The following UBE2E3 variants were observed in gnomAD, a reference collection of about 807,000 sequenced individuals.
The protein encoded by UBE2E3 is ubiquitin-conjugating enzyme E2 E3.
Under a neutral mutation model 23.6 loss-of-function variants are expected in UBE2E3, and 5 were observed. The observed-to-expected ratio is 0.21, with a 90% CI of 0.11 to 0.44. The LOEUF is 0.44. Ranked by LOEUF, UBE2E3 falls within the 20% of genes least tolerant of loss-of-function variation. UBE2E3 has a pLI of 0.99. For synonymous variants in UBE2E3, 78 were observed against 87.5 expected (o/e 0.89, Z 0.60); for missense variants, 81 against 249.8 (o/e 0.32, Z 4.55).
intron 3 of UBE2E3, among the ~76,000 whole-genome samples, chr2:180,995,298 C>T (rs965824916): frequency 3.9e-5 from 6 of 152,114 alleles, no homozygotes; most frequent in East Asian, 1.9e-4. Flanking sequence ...TTGACATGTA[C>T]TGTAGGTTGA....
chr2:180,981,528 A>C (rs1684294439), intron 1 of UBE2E3: 1 of 152,866 alleles, frequency 6.5e-6, no homozygotes, highest in Non-Finnish European at 1.5e-5. Context: ...CTTTACGTGC[A>C]CTGAGGAGGA....
At chr2:181,047,707 T>C (rs1386058673) in intron 3 of UBE2E3, among the ~76,000 whole-genome samples, 1 of 152,136 alleles carries the variant, frequency 6.6e-6, no homozygotes, top group Non-Finnish European at 1.5e-5. Flanking sequence ...TAGTCTAGCC[T>C]ATCATCATCT....
rs1053303988 is a variant in UBE2E3 at position 181,060,702 on chromosome 2, A to G, written c.416A>G (p.Asn139Ser). 7.5e-6 allele frequency: 12 copies of G among 1,609,514 alleles called. No individual in the cohort carries two copies. The highest frequency in any genetic ancestry group is 3.4e-5 in the Admixed American group (2 of 59,426). ...ACCAGAATCTATCACTGCAACATCA[A>G]CAGTCAGGGAGTCATCTGTCTGGAC... ...FRTRIYHCNINSQGVICLDIL... is the reference protein window; with the variant it reads ...FRTRIYHCNISSQGVICLDIL... Residue 139 changes from asparagine to serine, a missense_variant, in exon 5 of 6, where the codon AAC (asparagine) becomes AGC (serine). Coordinates refer to ENST00000410062, the MANE Select transcript of UBE2E3 (RefSeq NM_006357.4).
chr2:181,060,485 CA>C (rs1029006572), intron 4 of UBE2E3, among the ~76,000 whole-genome samples, 179 bp from the exon 5 acceptor site: 1 of 151,500 alleles, frequency 6.6e-6, no homozygotes, highest in Non-Finnish European at 1.5e-5. Context: ...AGGGTAAAAA[CA>C]AAAAATTTTT....
intron 2 of UBE2E3, 64 bp downstream of exon 2, chr2:180,982,300 T>C (rs1327378391): frequency 6.7e-7 from 1 of 1,500,244 alleles, no homozygotes; most frequent in South Asian, 1.3e-5. Flanking sequence ...TTGGACGCTT[T>C]TGTTGGTTTT....
chr2:180,994,789 A>G (rs2105581622), intron 3 of UBE2E3, among the ~76,000 whole-genome samples: 1 of 152,310 alleles, frequency 6.6e-6, no homozygotes, highest in South Asian at 2.1e-4. Flanking sequence ...AATATTAAGA[A>G]TCCACAAAAT....
intron 3 of UBE2E3, among the ~76,000 whole-genome samples, chr2:181,025,287 T>A (rs1349997898): frequency 2.0e-5 from 3 of 151,992 alleles, no homozygotes; most frequent in Admixed American, 1.3e-4. Flanking sequence ...CTCTTAACAT[T>A]TAAGACAATG....
intron 3 of UBE2E3, among the ~76,000 whole-genome samples, chr2:181,028,261 C>T (rs1301842113): frequency 6.6e-6 from 1 of 151,902 alleles, no homozygotes; most frequent in Non-Finnish European, 1.5e-5. Context: ...AAATTTCATG[C>T]TGTATACGAT....
chr2:181,015,791 C>G (rs1423839668), intron 3 of UBE2E3, among the ~76,000 whole-genome samples: 4 of 152,040 alleles, frequency 2.6e-5, no homozygotes, highest in Non-Finnish European at 4.4e-5. Flanking sequence ...AGTATAATCA[C>G]TAAAATGATT....
At chr2:181,060,609 T>C (rs1307136044) in intron 4 of UBE2E3, 56 bp from the exon 5 acceptor site, 2 of 1,457,088 alleles carry the variant, frequency 1.4e-6, no homozygotes, top group Admixed American at 2.3e-5. Flanking sequence ...TTTTTAGTGT[T>C]TTAATTGGTA....
rs1687030432 is a variant in UBE2E3 at position 181,057,881 on chromosome 2, T to C, written c.378+56T>C. The C allele has an allele frequency of 1.1e-5, 17 of 1,564,416 alleles. 1 individual carries two copies. The South Asian group carries it at 1.8e-4, about 17-fold the overall frequency. On this transcript the variant is annotated intron_variant, in intron 4 of 5. Transcript: ENST00000410062. ...TTAATCCTTCTCCTCTAAAATCGGT[T>C]ATTCTAGAACTTAAATGTGTATTGA...
chr2:180,997,942 TTGTCA>T (rs1338284627), intron 3 of UBE2E3, among the ~76,000 whole-genome samples: 1 of 152,178 alleles, frequency 6.6e-6, no homozygotes, highest in African/African-American at 2.4e-5. Flanking sequence ...GTATTGCCTC[TTGTCA>T]TGTACCCTTT....
In UBE2E3 at chr2:180,982,172, C is replaced by T; in HGVS notation, c.130C>T (p.Gln44Ter). 6.2e-7 allele frequency: 1 copy of T among 1,612,508 alleles called. No homozygotes were observed. Among genetic ancestry groups the T allele is most frequent in the Non-Finnish European group, 8.5e-7 (1 of 1,179,254 alleles). Residue 44 changes from glutamine to a stop codon, truncating the protein, a stop_gained, in exon 2 of 6, where the codon CAG (glutamine) becomes TAG (stop). Transcript: ENST00000410062. LOFTEE classifies it high-confidence loss of function. ...EQEERKPSAT[Q>*]QKKNTKLSSK... is the part of the protein sequence containing the mutation. ...AGAGGAAAGAAAACCTTCTGCCACCCAGCAGAAGAAAAACACCAAACTCTC... is the reference window on the plus strand; with the variant it reads ...AGAGGAAAGAAAACCTTCTGCCACCTAGCAGAAGAAAAACACCAAACTCTC...
At chr2:181,057,640 T>TAA (rs1207113947) in intron 3 of UBE2E3, 53 bp from the exon 4 acceptor site, 4 of 1,456,890 alleles carry the variant, frequency 2.7e-6, no homozygotes, top group Non-Finnish European at 3.8e-6. Flanking sequence ...TTTAGGATAT[T>TAA]AACATTCATT....
At chr2:181,021,599 C>T (rs1174869361) in intron 3 of UBE2E3, among the ~76,000 whole-genome samples, 2 of 105,306 alleles carry the variant, frequency 1.9e-5, no homozygotes, top group Admixed American at 9.9e-5. Context: ...TTCCTCCCTC[C>T]CTTCCTTCCT....
At chr2:181,003,396 G>A (rs1685044361) in intron 3 of UBE2E3, among the ~76,000 whole-genome samples, 1 of 152,158 alleles carries the variant, frequency 6.6e-6, no homozygotes, top group Non-Finnish European at 1.5e-5. Flanking sequence ...TCTCACTTGA[G>A]ACATTTCTAG....
At chr2:181,057,022 G>A (rs1424890041) in intron 3 of UBE2E3, among the ~76,000 whole-genome samples, 1 of 151,550 alleles carries the variant, frequency 6.6e-6, no homozygotes, top group Non-Finnish European at 1.5e-5. Flanking sequence ...AAAATGATGA[G>A]CATTTTTTAA....
chr2:181,004,626 A>G (rs1039406909), intron 3 of UBE2E3, among the ~76,000 whole-genome samples: 15 of 152,152 alleles, frequency 9.9e-5, no homozygotes, highest in African/African-American at 3.6e-4. Flanking sequence ...GCGAGACTCC[A>G]TCTCAAAAAA....
At chr2:181,055,136 C>T (rs2105477433) in intron 3 of UBE2E3, among the ~76,000 whole-genome samples, 1 of 151,620 alleles carries the variant, frequency 6.6e-6, no homozygotes, top group Non-Finnish European at 1.5e-5. Context: ...GTTCAAGTAA[C>T]AACAGAGGAG....
Sources: allele counts gnomAD v4.1 joint callset (sites outside exome capture counted in the v4.1 genomes callset), GRCh38; gene constraint gnomAD v4.1.1; transcripts MANE v1.5; gene names NCBI Gene and HGNC (gene_info 2026-07-23, HGNC 2026-07-21).